SNX29: variants seen among roughly 807,000 people sequenced by gnomAD.
SNX29 encodes the protein sorting nexin-29.
SNX29 carries 78 observed loss-of-function variants against 102.1 expected under a neutral mutation model. The observed-to-expected ratio is 0.76, with a 90% CI of 0.64 to 0.92. The LOEUF is 0.92. Among genes scored for constraint, SNX29 ranks in the 40% least tolerant of loss-of-function variants. The pLI is 0.00. For synonymous variants in SNX29, 580 were observed against 414.5 expected, an observed-to-expected ratio of 1.40 and a Z score of -4.85; for missense variants, 1,280 against 1,061.7, an observed-to-expected ratio of 1.21 and a Z score of -2.86.
intron 9 of SNX29, among the ~76,000 whole-genome samples, chr16:12,063,955 T>C (rs2050902109): frequency 6.6e-6 from 1 of 151,984 alleles, no homozygotes; most frequent in East Asian, 1.9e-4. Context: ...GCAGGTCATC[T>C]GAGGAGGGGC....
intron 19 of SNX29, among the ~76,000 whole-genome samples, chr16:12,518,734 G>T (rs2089975881): frequency 6.6e-6 from 1 of 152,198 alleles, no homozygotes; most frequent in African/African-American, 2.4e-5. Flanking sequence ...GGCCTGGTGG[G>T]CCATGTCAGC....
At position 12,572,132 on chromosome 16, in the gene SNX29, AT is replaced by A; in HGVS notation, c.*3504del. Reference sequence around the variant, plus strand: ...TGATCACAGCCCTTGGCCCTGCTTCATACTTTGGAGCTTATTAAGATCAATT... The same window carrying A: ...TGATCACAGCCCTTGGCCCTGCTTCAACTTTGGAGCTTATTAAGATCAATT... On this transcript the variant is annotated 3_prime_UTR_variant, in exon 21 of 21. Coordinates refer to ENST00000566228, the MANE Select transcript of SNX29 (RefSeq NM_032167.5). The A allele has an allele frequency of 9.8e-7, 1 of 1,019,368 alleles. No homozygotes were observed. Among genetic ancestry groups the A allele is most frequent in the Non-Finnish European group, 1.2e-6 (1 of 837,854 alleles). 63.1% of individuals were successfully genotyped at this position (1,019,368 alleles called of 1,614,324 possible). A position where few individuals can be genotyped will look rare whatever the true frequency, so the allele number is the denominator to read the frequency against.
intron 11 of SNX29, among the ~76,000 whole-genome samples, chr16:12,105,790 T>A (rs1215933977): frequency 6.6e-6 from 1 of 152,128 alleles, no homozygotes; most frequent in Non-Finnish European, 1.5e-5. Flanking sequence ...TGAGCCACAG[T>A]CCTTGGAGTG....
intron 19 of SNX29, chr16:12,515,584 A>C (rs750102854): frequency 1.2e-4 from 60 of 490,654 alleles, no homozygotes; most frequent in Non-Finnish European, 5.3e-5. Flanking sequence ...GCCTCCTCTG[A>C]ATCTTCAGGT....
At chr16:12,125,522 C>A (rs2054166509) in intron 11 of SNX29, among the ~76,000 whole-genome samples, 2 of 149,120 alleles carry the variant, frequency 1.3e-5, no homozygotes, top group African/African-American at 4.9e-5. Context: ...ATCGGGTCGG[C>A]ATCCATCGTC....
chr16:12,208,740 C>CTGA (rs546241822), intron 14 of SNX29, among the ~76,000 whole-genome samples: 74 of 151,698 alleles, frequency 4.9e-4, no homozygotes, highest in Non-Finnish European at 8.7e-4. Context: ...CTTTGGGAGG[C>CTGA]TGAGGTGGGA....
intron 16 of SNX29, chr16:12,372,850 C>T (rs2082732419): frequency 6.6e-6 from 1 of 152,134 alleles, no homozygotes; most frequent in Non-Finnish European, 1.5e-5. Context: ...TGTGGCTTCT[C>T]CATGAGATAA....
intron 15 of SNX29, among the ~76,000 whole-genome samples, chr16:12,309,587 C>A (rs1303800909): frequency 6.6e-6 from 1 of 152,136 alleles, no homozygotes; most frequent in Non-Finnish European, 1.5e-5. Flanking sequence ...ACCATGGTGT[C>A]CCAGAGCCCA....
rs149051791 is a variant in SNX29, at chr16:12,312,573, A to AG, written c.1782+34541dup. 2.8e-3 allele frequency among the ~76,000 whole-genome samples: 419 copies of AG among 152,194 alleles called. 1 individual carries two copies. Among genetic ancestry groups the AG allele is most frequent in the African/African-American group, 9.7e-3 (401 of 41,536 alleles). Reference sequence around the variant, plus strand: ...AGAAGCAGAGGTGAGGCGTGAGGGCAGGGGAGGCCAGGGGGTCTCGCATTT... The same window carrying AG: ...AGAAGCAGAGGTGAGGCGTGAGGGCAGGGGGAGGCCAGGGGGTCTCGCATTT... On this transcript the variant is annotated intron_variant, in intron 15 of 20. Transcript: ENST00000566228.
chr16:12,166,802 C>G (rs1402090575), intron 13 of SNX29, among the ~76,000 whole-genome samples: 1 of 152,202 alleles, frequency 6.6e-6, no homozygotes, highest in Non-Finnish European at 1.5e-5. Context: ...CACTTTCATT[C>G]AGTGCTTCCA....
chr16:12,373,980 G>C (rs1486743696), intron 16 of SNX29: 1 of 152,246 alleles, frequency 6.6e-6, no homozygotes, highest in Non-Finnish European at 1.5e-5. Context: ...CAGTCACAGA[G>C]AGAACTGGTG....
intron 2 of SNX29, among the ~76,000 whole-genome samples, chr16:12,000,912 C>T (rs116399642): frequency 0.029 from 4,412 of 152,194 alleles, 90 homozygotes; most frequent in African/African-American, 0.059. Flanking sequence ...TGTATGGCTG[C>T]TGAGGGAATT....
chr16:12,334,901 CT>C (rs36176543), intron 15 of SNX29, among the ~76,000 whole-genome samples: 4 of 93,636 alleles, frequency 4.3e-5, no homozygotes, highest in African/African-American at 1.1e-4. Flanking sequence ...GCCCCAGAGC[CT>C]TTTTTTTTTT....
chr16:12,032,577 C>T (rs1321007983), intron 4 of SNX29, among the ~76,000 whole-genome samples: 1 of 152,022 alleles, frequency 6.6e-6, no homozygotes, highest in Non-Finnish European at 1.5e-5. Flanking sequence ...TGTTTATTCC[C>T]ATGACAGTTG....
At chr16:12,137,174 G>A (rs1392165878) in intron 13 of SNX29, among the ~76,000 whole-genome samples, 1 of 152,224 alleles carries the variant, frequency 6.6e-6, no homozygotes, top group Non-Finnish European at 1.5e-5. Flanking sequence ...GGATTGTTGG[G>A]ACGGTTACAT....
intron 20 of SNX29, among the ~76,000 whole-genome samples, chr16:12,537,699 C>T (rs934755130): frequency 3.3e-5 from 5 of 152,164 alleles, no homozygotes; most frequent in African/African-American, 1.2e-4. Context: ...TCTGAAACTT[C>T]ACTTTGGAAA....
chr16:12,026,790 T>C (rs1452333401), intron 3 of SNX29, among the ~76,000 whole-genome samples: 2 of 152,226 alleles, frequency 1.3e-5, no homozygotes, highest in Admixed American at 1.3e-4. Flanking sequence ...ATCTCTTATA[T>C]AAAGAATGAG....
intron 20 of SNX29, among the ~76,000 whole-genome samples, chr16:12,543,189 A>C (rs978921818): frequency 1.3e-5 from 2 of 152,246 alleles, no homozygotes; most frequent in African/African-American, 4.8e-5. Context: ...AGTCCTAGGA[A>C]AAATCATATT....
chr16:12,354,375 A>T (rs1489384461), intron 15 of SNX29, among the ~76,000 whole-genome samples: 1 of 152,178 alleles, frequency 6.6e-6, no homozygotes, highest in South Asian at 2.1e-4. Flanking sequence ...GATTTGCCTG[A>T]TGTGGTCAAG....
Sources: allele counts gnomAD v4.1 joint callset (sites outside exome capture counted in the v4.1 genomes callset), GRCh38; gene constraint gnomAD v4.1.1; transcripts MANE v1.5; gene names NCBI Gene and HGNC (gene_info 2026-07-23, HGNC 2026-07-21).